The following CNTN6 variants were observed in gnomAD, a reference collection of about 807,000 sequenced individuals.
The protein encoded by CNTN6 is contactin-6.
Under a neutral mutation model 122.8 loss-of-function variants are expected in CNTN6, and 137 were observed. That is an observed-to-expected ratio of 1.12 (90% CI 0.97 to 1.29). The LOEUF is 1.29. Among genes scored for constraint, CNTN6 ranks in the 50% most tolerant of loss-of-function variants. CNTN6 has a pLI of 0.00. For synonymous variants in CNTN6, 570 were observed against 426.0 expected (o/e 1.34, Z -4.16); for missense variants, 1,634 against 1,223.4 (o/e 1.34, Z -5.01).
In CNTN6 at chr3:1,106,510, C is replaced by T. The variant is rs191060944; in HGVS notation, c.-83+13390C>T. Among the ~76,000 whole-genome samples, 453 of 144,124 alleles carry T rather than the reference C, an allele frequency of 3.1e-3. 4 individuals carry two copies. The highest frequency in any genetic ancestry group is 0.014 in the Middle Eastern group (4 of 290). 94.6% of individuals were successfully genotyped at this position (144,124 alleles called of 152,430 possible). ...CGAGCCTAGGCAACAAAGTGAGACC[C>T]CTGTCTGTAATACACACACACACAC... On this transcript the variant is annotated intron_variant, in intron 1 of 22. Coordinates refer to ENST00000446702, the MANE Select transcript of CNTN6 (RefSeq NM_001289080.2).
intron 4 of CNTN6, among the ~76,000 whole-genome samples, chr3:1,265,756 A>G (rs920615334): frequency 2.6e-5 from 4 of 152,150 alleles, no homozygotes; most frequent in Non-Finnish European, 4.4e-5. Context: ...CTGATATGCC[A>G]TGTCCTCTGG....
At chr3:1,239,639 G>A (rs1229078793) in intron 4 of CNTN6, among the ~76,000 whole-genome samples, 1 of 152,054 alleles carries the variant, frequency 6.6e-6, no homozygotes, top group Non-Finnish European at 1.5e-5. Context: ...CATCAAGATA[G>A]CACCATCATT....
chr3:1,263,108 T>A, intron 4 of CNTN6, among the ~76,000 whole-genome samples: 1 of 152,106 alleles, frequency 6.6e-6, no homozygotes, highest in East Asian at 1.9e-4. Flanking sequence ...ATTTTATAGA[T>A]CCATTCACCC....
intron 17 of CNTN6, among the ~76,000 whole-genome samples, chr3:1,382,725 T>TTCTA (rs1348742395): frequency 1.3e-5 from 2 of 152,194 alleles, no homozygotes; most frequent in Middle Eastern, 3.2e-3. Context: ...TGTTTTATAT[T>TTCTA]TCTATCTGAA....
chr3:1,326,081 A>G (rs1420965992), intron 9 of CNTN6, 130 bp downstream of exon 9: 3 of 702,598 alleles, frequency 4.3e-6, no homozygotes, highest in Non-Finnish European at 6.8e-6. Context: ...AAGGATGCAT[A>G]CACTGATTTA....
In CNTN6 at chr3:1,326,246, A is replaced by C. The variant is rs1701524212; in HGVS notation, c.1083+295A>C. Among the ~76,000 whole-genome samples the C allele has an allele frequency of 3.9e-5, 6 of 152,042 alleles. No individual in the cohort carries two copies. The South Asian group carries it at 1.0e-3, about 26-fold the overall frequency. ...CATCACCGTCATCATCGACACGGAT[A>C]ACACTTACTGAACTCTCATATGAGC... On this transcript the variant is annotated intron_variant, in intron 9 of 22. Transcript: ENST00000446702.
chr3:1,150,177 C>G (rs12495445), intron 2 of CNTN6, among the ~76,000 whole-genome samples: 68,440 of 151,628 alleles, frequency 0.45, 15,982 homozygotes, highest in South Asian at 0.61. Flanking sequence ...TTTTGTTAGA[C>G]GTTTCATGGT....
intron 4 of CNTN6, among the ~76,000 whole-genome samples, chr3:1,248,774 C>T (rs761900924): frequency 3.3e-5 from 5 of 151,866 alleles, no homozygotes; most frequent in Non-Finnish European, 5.9e-5. Flanking sequence ...GAGCTGAGAT[C>T]GTGCCATTGC....
chr3:1,099,376 G>A (rs565586859), intron 1 of CNTN6, among the ~76,000 whole-genome samples: 103 of 152,082 alleles, frequency 6.8e-4, no homozygotes, highest in African/African-American at 1.3e-3. Context: ...GCGGGAACCC[G>A]GGGGGCGGAG....
intron 1 of CNTN6, among the ~76,000 whole-genome samples, chr3:1,096,777 C>G (rs766498029): frequency 1.6e-4 from 24 of 152,222 alleles, no homozygotes; most frequent in South Asian, 4.2e-4. Context: ...TGATGTCCCC[C>G]AAAGGTCCAT....
intron 11 of CNTN6, among the ~76,000 whole-genome samples, chr3:1,331,595 G>C (rs1361872609): frequency 6.6e-6 from 1 of 151,798 alleles, no homozygotes; most frequent in East Asian, 1.9e-4. Context: ...ATCTAATCAA[G>C]GTTTGAATAC....
chr3:1,380,291 T>A (rs1369081412), intron 17 of CNTN6, among the ~76,000 whole-genome samples: 1 of 152,222 alleles, frequency 6.6e-6, no homozygotes, highest in Non-Finnish European at 1.5e-5. Flanking sequence ...CTGCCTGAAC[T>A]GAACTAAATA....
chr3:1,229,209 C>T (rs914343237), intron 4 of CNTN6, among the ~76,000 whole-genome samples: 3 of 152,084 alleles, frequency 2.0e-5, no homozygotes, highest in South Asian at 2.1e-4. Context: ...ATATTTATAA[C>T]ACTTGATTTC....
chr3:1,368,508 G>C (rs1708545401), intron 12 of CNTN6, among the ~76,000 whole-genome samples: 1 of 152,144 alleles, frequency 6.6e-6, no homozygotes, highest in African/African-American at 2.4e-5. Flanking sequence ...AGTTGCATCA[G>C]AGAAAGATAC....
At chr3:1,225,028 G>A (rs968169826) in intron 3 of CNTN6, among the ~76,000 whole-genome samples, 2 of 152,032 alleles carry the variant, frequency 1.3e-5, no homozygotes, top group African/African-American at 2.4e-5. Flanking sequence ...GATTACAGGC[G>A]TGAACCACCG....
At chr3:1,119,703 A>G (rs185382742) in intron 1 of CNTN6, among the ~76,000 whole-genome samples, 1 of 152,080 alleles carries the variant, frequency 6.6e-6, no homozygotes, top group Non-Finnish European at 1.5e-5. Flanking sequence ...TTCCCTCCAA[A>G]ATATGAAATT....
At chr3:1,311,126 G>C (rs1699163821) in intron 7 of CNTN6, among the ~76,000 whole-genome samples, 1 of 149,846 alleles carries the variant, frequency 6.7e-6, no homozygotes, top group Admixed American at 6.7e-5. Context: ...TATATACATA[G>C]GTGTATGTAT....
intron 19 of CNTN6, among the ~76,000 whole-genome samples, chr3:1,384,408 C>A (rs1225488306): frequency 7.0e-6 from 1 of 141,924 alleles, no homozygotes; most frequent in Admixed American, 6.8e-5. Flanking sequence ...GTAATCATCT[C>A]AGAAAAGGCA....
At chr3:1,309,184 C>T (rs1342537213) in intron 7 of CNTN6, among the ~76,000 whole-genome samples, 1 of 152,034 alleles carries the variant, frequency 6.6e-6, no homozygotes, top group African/African-American at 2.4e-5. Flanking sequence ...GTGTTTTTGG[C>T]ATTAAATACA....
Sources: gnomAD v4.1 joint callset for allele counts (sites outside exome capture counted in the v4.1 genomes callset) on GRCh38, gnomAD v4.1.1 for gene constraint, MANE v1.5 for transcripts, NCBI Gene and HGNC (gene_info 2026-07-23, HGNC 2026-07-21) for gene names.